Variants in KALRN observed in about 807,000 individuals in gnomAD.
KALRN encodes the protein kalirin.
A neutral mutation model predicts 353.7 loss-of-function variants in KALRN; 70 were observed. That is an observed-to-expected ratio of 0.20 (90% CI 0.16 to 0.24). The LOEUF (loss-of-function observed/expected upper bound fraction) is 0.24. KALRN is among the 10% of genes least tolerant of loss of function. The pLI is 1.00. For synonymous variants in KALRN, 1,391 were observed against 1,434.8 expected (o/e 0.97, Z 0.69); for missense variants, 2,791 against 3,756.7 (o/e 0.74, Z 6.72).
chr3:124,715,015 CAAAAAA>C (rs57167927), intron 58 of KALRN, among the ~76,000 whole-genome samples: 1 of 126,730 alleles, frequency 7.9e-6, no homozygotes. Context: ...GACTCCATCT[CAAAAAA>C]AAAAAAAAAA....
chr3:124,450,138 A>C (rs1050981970), intron 21 of KALRN, among the ~76,000 whole-genome samples: 4 of 152,266 alleles, frequency 2.6e-5, no homozygotes, highest in Admixed American at 2.6e-4. Flanking sequence ...TTTTCAAAGT[A>C]GGTATACCAT....
At chr3:124,578,768 A>C (rs1319732378) in intron 34 of KALRN, among the ~76,000 whole-genome samples, 1 of 49,912 alleles carries the variant, frequency 2.0e-5, no homozygotes, top group Non-Finnish European at 3.4e-5. Context: ...ACTCCATTTA[A>C]AAAAAAAAAA....
At chr3:124,526,637 A>T (rs2109082132) in intron 33 of KALRN, among the ~76,000 whole-genome samples, 1 of 152,258 alleles carries the variant, frequency 6.6e-6, no homozygotes, top group Non-Finnish European at 1.5e-5. Context: ...AGGAGTAAGG[A>T]TGTGGAGGGT....
At chr3:124,034,298 C>T (rs1042634247) in intron 1 of KALRN, among the ~76,000 whole-genome samples, 5 of 152,140 alleles carry the variant, frequency 3.3e-5, no homozygotes, top group Admixed American at 6.5e-5. Flanking sequence ...CCCGGAGCCG[C>T]GCCGGCTGCA....
intron 34 of KALRN, among the ~76,000 whole-genome samples, chr3:124,611,806 G>C (rs866856298): frequency 2.0e-5 from 3 of 152,194 alleles, no homozygotes; most frequent in African/African-American, 7.2e-5. Flanking sequence ...CCAGCCACAA[G>C]AACTTCCTTC....
At chr3:124,281,490 G>T (rs1216234295) in intron 5 of KALRN, among the ~76,000 whole-genome samples, 1 of 152,180 alleles carries the variant, frequency 6.6e-6, no homozygotes, top group Non-Finnish European at 1.5e-5. Flanking sequence ...ATTCTCTTCT[G>T]TGCTTTGCAC....
chr3:124,175,692 C>G (rs2072624455), intron 1 of KALRN, among the ~76,000 whole-genome samples: 1 of 152,000 alleles, frequency 6.6e-6, no homozygotes, highest in African/African-American at 2.4e-5. Context: ...TGTGCGCTGC[C>G]CAGGGTCCAG....
chr3:124,584,730 TCGGGCGGCGGCG>T lies in KALRN; in HGVS notation c.5182+21643_5182+21654del, dbSNP rs1445154777. ...CAGCGGGGAGGGCGGGAGCCGGCTCTCGGGCGGCGGCGCTGAAGTTTCCTTCCCGCCGCGCTC... is the reference window on the plus strand; with the variant it reads ...CAGCGGGGAGGGCGGGAGCCGGCTCTCTGAAGTTTCCTTCCCGCCGCGCTC... On this transcript the variant is annotated intron_variant, in intron 34 of 59. Coordinates refer to ENST00000682506, the MANE Select transcript of KALRN (RefSeq NM_001388419.1). The T allele has an allele frequency of 1.9e-5, 29 of 1,502,850 alleles. No homozygotes were observed. In the East Asian group the frequency reaches 7.2e-4, roughly 37 times the overall value. 93.1% of individuals were successfully genotyped at this position (1,502,850 alleles called of 1,614,324 possible). A position where few individuals can be genotyped will look rare whatever the true frequency, so the allele number is the denominator to read the frequency against.
At chr3:124,092,407 C>G (rs992162412) in intron 1 of KALRN, among the ~76,000 whole-genome samples, 1 of 152,210 alleles carries the variant, frequency 6.6e-6, no homozygotes, top group Admixed American at 6.5e-5. Flanking sequence ...TTAGAAAAAG[C>G]CTTTTTGGCA....
chr3:124,138,232 C>T (rs1355313416), intron 1 of KALRN, among the ~76,000 whole-genome samples: 1 of 152,206 alleles, frequency 6.6e-6, no homozygotes, highest in African/African-American at 2.4e-5. Context: ...GCAAAATCCT[C>T]TCTCCCTGCT....
At chr3:124,470,555 C>T (rs534790234) in intron 25 of KALRN, among the ~76,000 whole-genome samples, 1 of 151,948 alleles carries the variant, frequency 6.6e-6, no homozygotes, top group South Asian at 2.1e-4. Flanking sequence ...ATGTTCTTAG[C>T]TTTCTCCCCC....
At chr3:124,660,855 G>A (rs2084777055) in intron 43 of KALRN, 68 bp from the exon 44 acceptor site, 3 of 1,111,058 alleles carry the variant, frequency 2.7e-6, no homozygotes, top group Middle Eastern at 3.9e-4. Context: ...TTTATGATAA[G>A]TTTTTTCCCA....
chr3:124,133,953 C>T (rs368019866), intron 1 of KALRN, among the ~76,000 whole-genome samples: 1 of 152,108 alleles, frequency 6.6e-6, no homozygotes, highest in East Asian at 1.9e-4. Context: ...GACCATACTG[C>T]CAAAAGCAAG....
At chr3:124,130,810 C>A (rs922541867) in intron 1 of KALRN, among the ~76,000 whole-genome samples, 2 of 152,076 alleles carry the variant, frequency 1.3e-5, no homozygotes, top group Non-Finnish European at 2.9e-5. Context: ...AGATAAAGAG[C>A]GCACTATTGG....
intron 1 of KALRN, among the ~76,000 whole-genome samples, chr3:124,174,369 G>A (rs2072352177): frequency 6.6e-6 from 1 of 152,156 alleles, no homozygotes; most frequent in South Asian, 2.1e-4. Flanking sequence ...GGGAGGCAGA[G>A]GTTGCAGTGA....
intron 34 of KALRN, among the ~76,000 whole-genome samples, chr3:124,566,440 G>T (rs1354902194): frequency 6.6e-6 from 1 of 151,910 alleles, no homozygotes; most frequent in Non-Finnish European, 1.5e-5. Flanking sequence ...GGGAGGCTGA[G>T]GCTGCAGTGA....
chr3:124,080,721 A>G (rs1437259335), intron 1 of KALRN, among the ~76,000 whole-genome samples: 1 of 152,188 alleles, frequency 6.6e-6, no homozygotes. Context: ...TGATACATAT[A>G]TGTTTATTTT....
At chr3:124,296,372 C>T (rs1382155443) in intron 5 of KALRN, among the ~76,000 whole-genome samples, 2 of 152,182 alleles carry the variant, frequency 1.3e-5, no homozygotes, top group Non-Finnish European at 2.9e-5. Flanking sequence ...GCTGTTCTCT[C>T]TAGCTCTTCC....
rs191343030 is a variant in KALRN at position 124,171,926 on chromosome 3, T to C, written c.74-56064T>C. On this transcript the variant is annotated intron_variant, in intron 1 of 59. Transcript: ENST00000682506. ...TCTCTCTCCGCAGATCTTGAACTAC[T>C]TCCATAGGTTATTGGATATTTGGTG... Among the ~76,000 whole-genome samples the C allele has an allele frequency of 1.3e-3, 203 of 152,250 alleles. 1 individual carries two copies. The highest frequency in any genetic ancestry group is 2.3e-3 in the Non-Finnish European group (158 of 68,008).
Sources: allele counts gnomAD v4.1 joint callset (sites outside exome capture counted in the v4.1 genomes callset), GRCh38; gene constraint gnomAD v4.1.1; transcripts MANE v1.5; gene names NCBI Gene and HGNC (gene_info 2026-07-23, HGNC 2026-07-21).